MYO6: variants seen among roughly 807,000 people sequenced by gnomAD.
MYO6 encodes the protein unconventional myosin-VI.
A neutral mutation model predicts 178.7 loss-of-function variants in MYO6; 74 were observed. The ratio of observed to expected loss-of-function variants is 0.41; its 90% CI spans 0.34 to 0.50. The LOEUF is 0.50. Among genes scored for constraint, MYO6 ranks in the 20% least tolerant of loss-of-function variants. The pLI is 0.09. For synonymous variants in MYO6, 477 were observed against 504.6 expected (o/e 0.95, Z 0.73); for missense variants, 1,330 against 1,547.4 (o/e 0.86, Z 2.36).
At chr6:75,857,325 T>C (rs1274549522) in intron 13 of MYO6, 71 bp downstream of exon 13, 3 of 1,468,922 alleles carry the variant, frequency 2.0e-6, no homozygotes, top group East Asian at 2.3e-5. Flanking sequence ...TGTTCTTAAA[T>C]CTTTTCTCCT....
At chr6:75,827,127 C>T (rs1772555361) in intron 3 of MYO6, among the ~76,000 whole-genome samples, 1 of 152,076 alleles carries the variant, frequency 6.6e-6, no homozygotes, top group Admixed American at 6.5e-5. Context: ...CATCTTGCCC[C>T]CAAGGATCTG....
intron 1 of MYO6, among the ~76,000 whole-genome samples, chr6:75,800,613 A>G (rs1769354202): frequency 1.3e-5 from 2 of 152,226 alleles, no homozygotes; most frequent in South Asian, 2.1e-4. Flanking sequence ...AGTTTAGGAT[A>G]TGAAAAGTTT....
At chr6:75,838,942 G>A (rs540468682) in intron 7 of MYO6, among the ~76,000 whole-genome samples, 1 of 152,132 alleles carries the variant, frequency 6.6e-6, no homozygotes, top group Admixed American at 6.5e-5. Context: ...TTACAGGTGT[G>A]AGCCACCGCG....
chr6:75,800,323 C>T (rs1769321417), intron 1 of MYO6, among the ~76,000 whole-genome samples: 1 of 152,116 alleles, frequency 6.6e-6, no homozygotes, highest in Non-Finnish European at 1.5e-5. Flanking sequence ...GGAGACAGGA[C>T]CTGGGAGCTG....
Position 75,858,918 on chromosome 6 carries a change from C to G in MYO6, c.1398C>G (p.Asn466Lys). ...TATTTTCAGAGTACTTTGAGCATAA[C>G]AGTTTTGAACAATTTTGCATCAACT... ...DIAGFEYFEH[N>K]SFEQFCINYC... The change falls in exon 14 of 35, where the codon AAC (asparagine) becomes AAG (lysine). Residue 466 changes from asparagine (N) to lysine (K), a missense_variant. This residue lies in a region of MYO6 where 613 missense variants were observed against 816.8 expected (regional missense o/e 0.75). Coordinates refer to ENST00000369977, the MANE Select transcript of MYO6 (RefSeq NM_004999.4). 6.2e-7 allele frequency: 1 copy of G among 1,607,192 alleles called. No individual in the cohort carries two copies. Among genetic ancestry groups the G allele is most frequent in the Non-Finnish European group, 8.5e-7 (1 of 1,174,736 alleles).
intron 7 of MYO6, among the ~76,000 whole-genome samples, chr6:75,837,843 C>G (rs1049805032): frequency 6.6e-6 from 1 of 151,978 alleles, no homozygotes; most frequent in Non-Finnish European, 1.5e-5. Context: ...GGGAGTCGTT[C>G]TTAAAAACTG....
chr6:75,899,865 C>T (rs902560544), intron 30 of MYO6, among the ~76,000 whole-genome samples: 4 of 142,858 alleles, frequency 2.8e-5, no homozygotes, highest in African/African-American at 1.0e-4. Context: ...AGGTATATCT[C>T]CCAATGCTAT....
intron 7 of MYO6, among the ~76,000 whole-genome samples, chr6:75,839,328 A>G (rs1380673433): frequency 6.6e-6 from 1 of 151,992 alleles, no homozygotes; most frequent in African/African-American, 2.4e-5. Flanking sequence ...AGCTGGGACT[A>G]CAGGCACCTG....
intron 13 of MYO6, among the ~76,000 whole-genome samples, chr6:75,858,538 G>A (rs1225870426): frequency 6.6e-6 from 1 of 152,150 alleles, no homozygotes; most frequent in Non-Finnish European, 1.5e-5. Context: ...CCCGGGGGCG[G>A]AGGTTGCAGT....
chr6:75,882,282 C>T (rs751854234), intron 23 of MYO6, among the ~76,000 whole-genome samples: 6 of 152,330 alleles, frequency 3.9e-5, no homozygotes, highest in Non-Finnish European at 8.8e-5. Flanking sequence ...CTTGCCAGTG[C>T]CTTAGTGAAG....
intron 6 of MYO6, among the ~76,000 whole-genome samples, chr6:75,833,674 C>T (rs1773351155): frequency 6.6e-6 from 1 of 151,888 alleles, no homozygotes; most frequent in Non-Finnish European, 1.5e-5. Flanking sequence ...ATTTTGGATC[C>T]CATCCTTCCT....
chr6:75,911,614 C>A, intron 32 of MYO6, 58 bp from the exon 33 acceptor site: 3 of 1,452,314 alleles, frequency 2.1e-6, no homozygotes, highest in Non-Finnish European at 2.9e-6. Context: ...TAGAAAAATG[C>A]TCATTTAACA....
At chr6:75,796,953 T>C (rs1454995633) in intron 1 of MYO6, among the ~76,000 whole-genome samples, 1 of 152,194 alleles carries the variant, frequency 6.6e-6, no homozygotes, top group Non-Finnish European at 1.5e-5. Flanking sequence ...TTCCATGGTG[T>C]ATGTGTACTA....
intron 11 of MYO6, among the ~76,000 whole-genome samples, chr6:75,852,511 G>C (rs1295235685): frequency 1.3e-5 from 2 of 151,970 alleles, no homozygotes; most frequent in African/African-American, 4.8e-5. Flanking sequence ...ACTCCTCATT[G>C]CCCACTTCTC....
chr6:75,860,479 TTTTGA>T (rs1309256076), intron 14 of MYO6, among the ~76,000 whole-genome samples: 31 of 152,324 alleles, frequency 2.0e-4, no homozygotes, highest in Non-Finnish European at 3.8e-4. Flanking sequence ...GGAGACTGTA[TTTTGA>T]TTTATGTTCA....
chr6:75,781,086 T>G (rs895189488), intron 1 of MYO6, among the ~76,000 whole-genome samples: 1 of 152,118 alleles, frequency 6.6e-6, no homozygotes, highest in Non-Finnish European at 1.5e-5. Context: ...GTGCTGGGAT[T>G]ACAGGCATAA....
chr6:75,861,590 T>A (rs1474608275), intron 15 of MYO6, among the ~76,000 whole-genome samples: 1 of 152,196 alleles, frequency 6.6e-6, no homozygotes, highest in African/African-American at 2.4e-5. Context: ...TGCTTTCATT[T>A]TAGTGGTAAA....
At chr6:75,912,233 C>CT (rs1780810264) in intron 33 of MYO6, among the ~76,000 whole-genome samples, 1 of 151,958 alleles carries the variant, frequency 6.6e-6, no homozygotes, top group African/African-American at 2.4e-5. Context: ...AATTTAAAAG[C>CT]TTTGAGTCAC....
At chr6:75,876,404 G>A (rs979542634) in intron 20 of MYO6, among the ~76,000 whole-genome samples, 2 of 152,278 alleles carry the variant, frequency 1.3e-5, no homozygotes, top group Admixed American at 1.3e-4. Context: ...AATGAACAGT[G>A]TAGAAAATAT....
Sources: gnomAD v4.1 joint callset for allele counts (sites outside exome capture counted in the v4.1 genomes callset) on GRCh38, gnomAD v4.1.1 for gene constraint, gnomAD v4.1.1 regional missense constraint, MANE v1.5 for transcripts, NCBI Gene and HGNC (gene_info 2026-07-23, HGNC 2026-07-21) for gene names.